TCF7L2: variants seen among roughly 807,000 people sequenced by gnomAD.
TCF7L2 encodes transcription factor 7 like 2, also known as transcription factor 7-like 2.
A neutral mutation model predicts 77.9 loss-of-function variants in TCF7L2; 23 were observed. That is an observed-to-expected ratio of 0.30 (90% CI 0.21 to 0.42). The LOEUF is 0.42. TCF7L2 is among the 10% of genes least tolerant of loss of function. The pLI, the probability that TCF7L2 is intolerant of heterozygous loss-of-function variation, is 1.00. For synonymous variants in TCF7L2, 413 were observed against 340.2 expected (o/e 1.21, Z -2.36); for missense variants, 654 against 793.1 (o/e 0.82, Z 2.11).
intron 5 of TCF7L2, among the ~76,000 whole-genome samples, chr10:113,079,624 G>A (rs1033412779): frequency 1.8e-4 from 27 of 152,110 alleles, no homozygotes; most frequent in African/African-American, 5.8e-4. Context: ...ATCCAAGAAC[G>A]TTGGACCTGT....
chr10:113,058,375 A>G (rs1033196561), intron 5 of TCF7L2, among the ~76,000 whole-genome samples: 2 of 152,144 alleles, frequency 1.3e-5, no homozygotes, highest in South Asian at 2.1e-4. Flanking sequence ...TCAATTCTAA[A>G]CAAAGAGTCT....
At chr10:113,159,928 G>A (rs370112350) in intron 12 of TCF7L2, 25 of 1,555,558 alleles carry the variant, frequency 1.6e-5, no homozygotes, top group Non-Finnish European at 2.1e-5. Context: ...AGACCTGAGC[G>A]CTCCTAAGAA....
chr10:113,007,945 A>G (rs2045854473), intron 4 of TCF7L2, among the ~76,000 whole-genome samples: 1 of 152,236 alleles, frequency 6.6e-6, no homozygotes, highest in Non-Finnish European at 1.5e-5. Flanking sequence ...ATGGAATTCA[A>G]AGAAGCCTGG....
chr10:112,997,698 C>T (rs1455571925), intron 4 of TCF7L2, among the ~76,000 whole-genome samples: 2 of 152,202 alleles, frequency 1.3e-5, no homozygotes, highest in East Asian at 3.9e-4. Flanking sequence ...CAGCGATATT[C>T]GTCCTGCCTT....
At chr10:113,113,176 G>A (rs1267736149) in intron 5 of TCF7L2, among the ~76,000 whole-genome samples, 5 of 152,054 alleles carry the variant, frequency 3.3e-5, no homozygotes, top group Non-Finnish European at 5.9e-5. Flanking sequence ...TTGTCAAGTC[G>A]GTGAAATCCT....
intron 5 of TCF7L2, among the ~76,000 whole-genome samples, chr10:113,105,381 T>C (rs1253678294): frequency 6.6e-6 from 1 of 152,166 alleles, no homozygotes; most frequent in Non-Finnish European, 1.5e-5. Flanking sequence ...CCTTGAGAGC[T>C]TCTGGGATTT....
rs150703471 is a variant in TCF7L2 at position 113,163,877 on chromosome 10, C to T, written c.1392-1678C>T. On this transcript the variant is annotated intron_variant, in intron 13 of 13. Coordinates refer to ENST00000627217, the MANE Select transcript of TCF7L2 (RefSeq NM_001146274.2). ...CATCTTGCTGAGTCCAAACCCCAAG[C>T]ACAGAGGGGCATGATCAGACAGCTC... Among the ~76,000 whole-genome samples the T allele has an allele frequency of 2.2e-3, 336 of 152,256 alleles. 1 individual carries two copies. The highest frequency in any genetic ancestry group is 0.017 in the Middle Eastern group (5 of 294).
At position 113,131,624 on chromosome 10, in the gene TCF7L2, T is replaced by G. The variant is rs557487743; in HGVS notation, c.553-9560T>G. On this transcript the variant is annotated intron_variant, in intron 5 of 13. Coordinates refer to ENST00000627217, the MANE Select transcript of TCF7L2 (RefSeq NM_001146274.2). ...AGGGAGTTCCTTTGAAAACGTAAAT[T>G]CCCGACTCCAGTGATACAGGTATTA... Among the ~76,000 whole-genome samples, 4 of 152,210 alleles carry G rather than the reference T, an allele frequency of 2.6e-5. No individual in the cohort carries two copies. The East Asian group carries it at 7.7e-4, about 29-fold the overall frequency.
chr10:112,985,860 T>TTG (rs61481377), intron 4 of TCF7L2, among the ~76,000 whole-genome samples: 14,840 of 146,596 alleles, frequency 0.1, 992 homozygotes, highest in African/African-American at 0.21. Flanking sequence ...AGCCTGTAGT[T>TTG]TGTGTGTGTG....
At chr10:113,090,364 G>A (rs1720261505) in intron 5 of TCF7L2, among the ~76,000 whole-genome samples, 1 of 152,188 alleles carries the variant, frequency 6.6e-6, no homozygotes. Context: ...AACATTTATT[G>A]TATACCTATT....
chr10:113,018,444 CTTTTTTTTTT>C (rs35916053), intron 4 of TCF7L2, among the ~76,000 whole-genome samples: 4 of 92,550 alleles, frequency 4.3e-5, no homozygotes, highest in African/African-American at 1.5e-4. Context: ...CTCCTGAGTC[CTTTTTTTTTT>C]TTTTTTTTTT....
At chr10:113,081,007 T>A (rs2059267700) in intron 5 of TCF7L2, among the ~76,000 whole-genome samples, 1 of 152,186 alleles carries the variant, frequency 6.6e-6, no homozygotes, top group Admixed American at 6.5e-5. Flanking sequence ...TTATTTACAT[T>A]TTAAAACATT....
chr10:113,066,957 A>G (rs2057338521), intron 5 of TCF7L2, among the ~76,000 whole-genome samples: 1 of 152,202 alleles, frequency 6.6e-6, no homozygotes, highest in South Asian at 2.1e-4. Context: ...GGGAACAATG[A>G]ATATGGAGGT....
intron 4 of TCF7L2, among the ~76,000 whole-genome samples, chr10:112,991,515 A>G (rs527890278): frequency 2.1e-5 from 3 of 144,846 alleles, no homozygotes; most frequent in South Asian, 2.1e-4. Context: ...CTCAAAAAAA[A>G]AAAGAAAGAA....
At chr10:113,056,371 T>C (rs1420845325) in intron 5 of TCF7L2, among the ~76,000 whole-genome samples, 2 of 152,118 alleles carry the variant, frequency 1.3e-5, no homozygotes, top group Non-Finnish European at 2.9e-5. Flanking sequence ...TAAATTTGAA[T>C]CTAATTGGAA....
At chr10:113,020,768 G>T (rs538939169) in intron 4 of TCF7L2, among the ~76,000 whole-genome samples, 13 of 152,212 alleles carry the variant, frequency 8.5e-5, no homozygotes, top group African/African-American at 3.1e-4. Flanking sequence ...GGTAGAGGGG[G>T]TGTGAGGGGG....
chr10:113,066,426 C>T (rs915104685), intron 5 of TCF7L2, among the ~76,000 whole-genome samples: 4 of 151,910 alleles, frequency 2.6e-5, no homozygotes, highest in African/African-American at 4.8e-5. Flanking sequence ...AAAAAGAGCA[C>T]GGCTCTCTTA....
At chr10:113,073,552 G>A (rs150207524) in intron 5 of TCF7L2, among the ~76,000 whole-genome samples, 5 of 150,936 alleles carry the variant, frequency 3.3e-5, no homozygotes, top group African/African-American at 1.2e-4. Flanking sequence ...ATTAGCTGGG[G>A]GTGGTGGTGT....
chr10:113,133,356 A>G (rs1246680705), intron 5 of TCF7L2: 1 of 151,968 alleles, frequency 6.6e-6, no homozygotes, highest in Non-Finnish European at 1.5e-5. Flanking sequence ...ATGTTCCTCT[A>G]TTCCTCCATC....
Sources: gnomAD v4.1 joint callset for allele counts (sites outside exome capture counted in the v4.1 genomes callset) on GRCh38, gnomAD v4.1.1 for gene constraint, MANE v1.5 for transcripts, NCBI Gene and HGNC (gene_info 2026-07-23, HGNC 2026-07-21) for gene names.